ST3GAL1: variants seen among roughly 807,000 people sequenced by gnomAD.
ST3GAL1 encodes CMP-N-acetylneuraminate-beta-galactosamide-alpha-2,3-sialyltransferase 1.
A neutral mutation model predicts 34.1 loss-of-function variants in ST3GAL1; 16 were observed. The observed-to-expected ratio is 0.47, with a 90% CI of 0.32 to 0.71. The LOEUF is 0.71. Ranked by LOEUF, ST3GAL1 falls within the 30% of genes least tolerant of loss-of-function variation. The pLI, the probability that ST3GAL1 is intolerant of heterozygous loss-of-function variation, is 0.04. For synonymous variants in ST3GAL1, 191 were observed against 184.7 expected, an observed-to-expected ratio of 1.03 and a Z score of -0.28; for missense variants, 353 against 447.4, an observed-to-expected ratio of 0.79 and a Z score of 1.90.
intron 5 of ST3GAL1, among the ~76,000 whole-genome samples, chr8:133,474,326 C>T (rs1379473043): frequency 6.6e-6 from 1 of 152,184 alleles, no homozygotes; most frequent in East Asian, 1.9e-4. Context: ...CTCCCCATCA[C>T]TCCTGCAACC....
chr8:133,495,789 T>A (rs192149385), intron 3 of ST3GAL1, among the ~76,000 whole-genome samples: 9 of 152,340 alleles, frequency 5.9e-5, no homozygotes, highest in Admixed American at 4.6e-4. Context: ...TGCCTGCTCG[T>A]CATGACACTT....
intron 1 of ST3GAL1, among the ~76,000 whole-genome samples, chr8:133,567,821 A>T (rs1160187969): frequency 6.6e-6 from 1 of 152,112 alleles, no homozygotes; most frequent in Non-Finnish European, 1.5e-5. Flanking sequence ...TTTGAGGATG[A>T]TGCTGGCTGA....
intron 2 of ST3GAL1, among the ~76,000 whole-genome samples, chr8:133,527,776 G>T (rs1818020189): frequency 6.6e-6 from 1 of 152,140 alleles, no homozygotes. Context: ...AGACTGCAAG[G>T]TCTCCACCTA....
At chr8:133,539,311 C>T (rs1818398019) in intron 2 of ST3GAL1, among the ~76,000 whole-genome samples, 1 of 152,218 alleles carries the variant, frequency 6.6e-6, no homozygotes, top group African/African-American at 2.4e-5. Context: ...TTCCCACCGC[C>T]AACTCCCCTT....
At chr8:133,516,107 C>T (rs895524798) in intron 2 of ST3GAL1, 1 of 152,268 alleles carries the variant, frequency 6.6e-6, no homozygotes, top group East Asian at 1.9e-4. Flanking sequence ...CCACCCACCT[C>T]GGCCTCCCAA....
chr8:133,498,184 C>T (rs547214830), intron 3 of ST3GAL1, among the ~76,000 whole-genome samples: 1 of 152,348 alleles, frequency 6.6e-6, no homozygotes, highest in South Asian at 2.1e-4. Flanking sequence ...TGTCTTCCCC[C>T]GCCAGAAGGC....
rs1348734751 is a variant in ST3GAL1 at position 133,475,629 on chromosome 8, C to G, written c.306+90G>C. The G allele has an allele frequency of 5.7e-6, 8 of 1,413,746 alleles. No individual in the cohort carries two copies. The African/African-American group carries it at 8.7e-5, about 15-fold the overall frequency. The allele number at this position is 1,413,746 out of a possible 1,614,324, so 87.6% of individuals were successfully genotyped here. The stretch of plus-strand genomic sequence containing the variant: ...CCACTTTCAGCCCAGGCCTCCCACT[C>G]TTATCCAGATCCCCACTCTCAGCCC... On this transcript the variant is annotated intron_variant, in intron 5 of 9. Coordinates refer to ENST00000522652, the MANE Select transcript of ST3GAL1 (RefSeq NM_173344.3).
chr8:133,560,612 C>G (rs1026512320), intron 1 of ST3GAL1, among the ~76,000 whole-genome samples: 2 of 152,176 alleles, frequency 1.3e-5, no homozygotes, highest in Non-Finnish European at 2.9e-5. Context: ...CAGCACGTCT[C>G]GTGGGCTGGG....
chr8:133,540,730 T>TATATATATATATAGAC lies in ST3GAL1; in HGVS notation c.-429+5028_-429+5043dup, dbSNP rs1391241715. Among the ~76,000 whole-genome samples, 96 of 65,784 alleles carry TATATATATATATAGAC rather than the reference T, an allele frequency of 1.5e-3. 2 individuals carry two copies. Among genetic ancestry groups the TATATATATATATAGAC allele is most frequent in the Middle Eastern group, 0.017 (2 of 118 alleles). The allele number at this position is 65,784 out of a possible 152,430, so 43.2% of individuals were successfully genotyped here. On this transcript the variant is annotated intron_variant, in intron 2 of 9. Coordinates refer to ENST00000522652, the MANE Select transcript of ST3GAL1 (RefSeq NM_173344.3). ...ATACAGACATATATATATATAGACA[T>TATATATATATATAGAC]ATATATATATATAGACATATATATA...
Position 133,461,616 on chromosome 8 carries a change from G to C in ST3GAL1, c.849+259C>G, listed in dbSNP as rs1815508104. On this transcript the variant is annotated intron_variant, in intron 9 of 9. Transcript: ENST00000522652. This position sits in a 1 kb window ranked among gnomAD's most constrained non-coding sequence, Gnocchi z 4.7. Reference sequence around the variant, plus strand: ...GTATCCGGAATCTGCTGCGAGATCCGAGCTTCCACCACCACGGTCCTGGGC... The same window carrying C: ...GTATCCGGAATCTGCTGCGAGATCCCAGCTTCCACCACCACGGTCCTGGGC... Among the ~76,000 whole-genome samples the C allele has an allele frequency of 6.6e-6, 1 of 152,158 alleles. No homozygotes were observed. Among genetic ancestry groups the C allele is most frequent in the South Asian group, 2.1e-4 (1 of 4,834 alleles).
intron 6 of ST3GAL1, chr8:133,465,637 C>T (rs1044951633): frequency 5.1e-6 from 2 of 389,356 alleles, no homozygotes; most frequent in African/African-American, 2.1e-5. Flanking sequence ...ATGTGCCAAG[C>T]TCCCAACAAC....
chr8:133,566,091 C>T (rs1819391446), intron 1 of ST3GAL1, among the ~76,000 whole-genome samples: 1 of 152,156 alleles, frequency 6.6e-6, no homozygotes, highest in Non-Finnish European at 1.5e-5. Flanking sequence ...TCTTATGCTG[C>T]CCCCCACCTC....
intron 2 of ST3GAL1, among the ~76,000 whole-genome samples, chr8:133,537,163 C>T (rs142112978): frequency 2.6e-5 from 4 of 152,068 alleles, no homozygotes; most frequent in Non-Finnish European, 4.4e-5. Context: ...GAAGGGCTCA[C>T]AGAACTCAGG....
intron 1 of ST3GAL1, among the ~76,000 whole-genome samples, chr8:133,551,450 G>C (rs1818833529): frequency 6.6e-6 from 1 of 151,218 alleles, no homozygotes; most frequent in Admixed American, 6.6e-5. Context: ...CCTGGCAACA[G>C]AGTGAGGAAA....
At chr8:133,515,429 G>A (rs1025337121) in intron 2 of ST3GAL1, 4 of 152,192 alleles carry the variant, frequency 2.6e-5, no homozygotes, top group African/African-American at 7.2e-5. Context: ...TCTCATGAAC[G>A]GCTTGATGTT....
intron 2 of ST3GAL1, among the ~76,000 whole-genome samples, chr8:133,502,131 T>C (rs1817173739): frequency 6.6e-6 from 1 of 152,150 alleles, no homozygotes; most frequent in East Asian, 1.9e-4. Flanking sequence ...GTGCAGGGAA[T>C]AGCCAATATG....
chr8:133,519,683 C>T (rs780982630), intron 2 of ST3GAL1, among the ~76,000 whole-genome samples: 4 of 152,044 alleles, frequency 2.6e-5, no homozygotes, highest in African/African-American at 7.2e-5. Flanking sequence ...CGGGAGCGCA[C>T]GCCTGTAATC....
intron 2 of ST3GAL1, among the ~76,000 whole-genome samples, chr8:133,503,675 C>G (rs978241574): frequency 6.6e-6 from 1 of 152,168 alleles, no homozygotes; most frequent in East Asian, 1.9e-4. Flanking sequence ...CAGCTCCACC[C>G]TAGGCCTTAT....
rs1046644610 is a variant in ST3GAL1 at position 133,570,931 on chromosome 8, G to A, written c.-582+762C>T. 6.6e-6 allele frequency among the ~76,000 whole-genome samples: 1 copy of A among 152,194 alleles called. No homozygotes were observed. Among genetic ancestry groups the A allele is most frequent in the Non-Finnish European group, 1.5e-5 (1 of 68,036 alleles). The stretch of plus-strand genomic sequence containing the variant: ...AGCTGCGACGCCTCACGGGGTTGGG[G>A]CGGATTCAGAGTTTCGAGTTGCCAC... On this transcript the variant is annotated intron_variant, in intron 1 of 9. Transcript: ENST00000522652. This position sits in a 1 kb window ranked among gnomAD's most constrained non-coding sequence, Gnocchi z 5.6.
Sources: allele counts gnomAD v4.1 joint callset (sites outside exome capture counted in the v4.1 genomes callset), GRCh38; gene constraint gnomAD v4.1.1; non-coding constraint Gnocchi (gnomAD v3.1); transcripts MANE v1.5; gene names NCBI Gene and HGNC (gene_info 2026-07-23, HGNC 2026-07-21).